The following WDPCP variants were observed in gnomAD, a reference collection of about 807,000 sequenced individuals.
The protein encoded by WDPCP is WD repeat containing planar cell polarity effector.
A neutral mutation model predicts 93.1 loss-of-function variants in WDPCP; 71 were observed. The observed-to-expected ratio is 0.76, with a 90% CI of 0.63 to 0.93. The LOEUF is 0.93. Ranked by LOEUF, WDPCP falls within the 40% of genes least tolerant of loss-of-function variation. The pLI, the probability that WDPCP is intolerant of heterozygous loss-of-function variation, is 0.00. For missense variants in WDPCP, 844 were observed against 887.4 expected, an observed-to-expected ratio of 0.95 and a Z score of 0.62; for synonymous variants, 315 against 315.0, an observed-to-expected ratio of 1.00 and a Z score of 0.00.
chr2:63,394,735 C>T (rs1364631770), intron 10 of WDPCP, among the ~76,000 whole-genome samples: 2 of 152,116 alleles, frequency 1.3e-5, no homozygotes, highest in African/African-American at 2.4e-5. Context: ...ATATGCTCTG[C>T]AGCAAGATGG....
At chr2:63,185,400 C>G (rs1456521910) in intron 14 of WDPCP, among the ~76,000 whole-genome samples, 1 of 150,112 alleles carries the variant, frequency 6.7e-6, no homozygotes, top group Non-Finnish European at 1.5e-5. Flanking sequence ...TTCCCCCCCT[C>G]TCCCCCACCC....
intron 6 of WDPCP, among the ~76,000 whole-genome samples, chr2:63,479,147 G>C (rs1190078919): frequency 6.6e-6 from 1 of 151,836 alleles, no homozygotes; most frequent in Admixed American, 6.6e-5. Context: ...GGAAGAAATA[G>C]AAACTCTGAA....
chr2:63,732,078 G>A (rs1669568562), intron 2 of WDPCP, among the ~76,000 whole-genome samples: 1 of 152,030 alleles, frequency 6.6e-6, no homozygotes, highest in East Asian at 1.9e-4. Context: ...TGTGACTATT[G>A]GTCTTTATGG....
intron 14 of WDPCP, among the ~76,000 whole-genome samples, chr2:63,183,995 C>T (rs556544202): frequency 6.6e-6 from 1 of 152,128 alleles, no homozygotes; most frequent in East Asian, 1.9e-4. Context: ...TAGTCCTTTA[C>T]CTTCAGGCTA....
At chr2:63,471,373 C>A (rs115865066) in intron 6 of WDPCP, among the ~76,000 whole-genome samples, 1,747 of 152,328 alleles carry the variant, frequency 0.011, 39 homozygotes, top group African/African-American at 0.04. Context: ...TCTTGGAAGT[C>A]CCACCAGTAA....
chr2:63,701,036 G>A (rs933193229), intron 2 of WDPCP, among the ~76,000 whole-genome samples: 5 of 152,162 alleles, frequency 3.3e-5, no homozygotes, highest in African/African-American at 1.2e-4. Flanking sequence ...TCAACCTTCT[G>A]CACAGCAAAG....
intron 1 of WDPCP, among the ~76,000 whole-genome samples, chr2:63,825,947 CT>C (rs1227958725): frequency 6.6e-6 from 1 of 152,094 alleles, no homozygotes; most frequent in African/African-American, 2.4e-5. Flanking sequence ...ACTTAAACTT[CT>C]TGTAAATGTG....
At position 63,153,512 on chromosome 2, in the gene WDPCP, TTA is replaced by T; in HGVS notation, c.2139_2140del (p.Asn714TyrfsTer3). On this transcript the variant is annotated frameshift_variant, in exon 16 of 18. Transcript: ENST00000272321. LOFTEE classifies it high-confidence loss of function. ...ACCATTACCTTCTGCATTACAGGTA[TTA>T]GTCATCAAAAATCCAGAACAGATGT... The T allele has an allele frequency of 1.2e-6, 2 of 1,612,304 alleles. No homozygotes were observed. Among genetic ancestry groups the T allele is most frequent in the Non-Finnish European group, 1.7e-6 (2 of 1,178,792 alleles).
chr2:63,263,283 CA>C (rs1233346920), intron 13 of WDPCP, among the ~76,000 whole-genome samples: 8 of 152,198 alleles, frequency 5.3e-5, no homozygotes, highest in African/African-American at 1.4e-4. Flanking sequence ...AATGTCCCAC[CA>C]AAACACATGT....
intron 6 of WDPCP, among the ~76,000 whole-genome samples, chr2:63,462,832 C>G (rs917512494): frequency 2.0e-5 from 3 of 152,082 alleles, no homozygotes; most frequent in Non-Finnish European, 2.9e-5. Context: ...AAGTCAGGGC[C>G]ATTCCTTGAG....
chr2:63,658,497 C>A (rs1710192210), intron 2 of WDPCP, among the ~76,000 whole-genome samples: 1 of 152,138 alleles, frequency 6.6e-6, no homozygotes, highest in African/African-American at 2.4e-5. Flanking sequence ...GGACAAACAG[C>A]AGAGAATACC....
chr2:63,606,939 A>T (rs1363690771), intron 3 of WDPCP: 1 of 1,613,004 alleles, frequency 6.2e-7, no homozygotes, highest in Non-Finnish European at 8.5e-7. Flanking sequence ...CTGCAAAGGA[A>T]CTGACAGAAG....
At chr2:63,238,412 TAAA>T (rs1246153792) in intron 14 of WDPCP, among the ~76,000 whole-genome samples, 1 of 152,162 alleles carries the variant, frequency 6.6e-6, no homozygotes, top group African/African-American at 2.4e-5. Flanking sequence ...TCAATTAAAT[TAAA>T]AAATTGATAT....
chr2:63,651,950 C>A (rs1433636533), intron 2 of WDPCP, among the ~76,000 whole-genome samples: 1 of 152,156 alleles, frequency 6.6e-6, no homozygotes, highest in Admixed American at 6.5e-5. Flanking sequence ...GTTCCTGGAG[C>A]TATAATAACT....
intron 3 of WDPCP, among the ~76,000 whole-genome samples, chr2:63,648,860 A>G (rs1180785822): frequency 6.6e-6 from 1 of 152,198 alleles, no homozygotes; most frequent in Non-Finnish European, 1.5e-5. Flanking sequence ...AGATCAACTT[A>G]GTGTTCTCAG....
At chr2:63,778,360 A>G (rs1670336199) in intron 2 of WDPCP, among the ~76,000 whole-genome samples, 1 of 152,048 alleles carries the variant, frequency 6.6e-6, no homozygotes, top group African/African-American at 2.4e-5. Context: ...GGCGCCTGCC[A>G]CTGCACCTGG....
chr2:63,445,893 T>C (rs1422105868), intron 6 of WDPCP, among the ~76,000 whole-genome samples: 1 of 152,148 alleles, frequency 6.6e-6, no homozygotes, highest in Non-Finnish European at 1.5e-5. Flanking sequence ...TGATACAAAA[T>C]AAGTATGCAA....
chr2:63,622,067 TTTTTTTTTTTTTTTTTTGGAAGTTG>T (rs1709745942), intron 3 of WDPCP: 1 of 14,606 alleles, frequency 6.8e-5, no homozygotes, highest in African/African-American at 1.5e-3. Context: ...TTCTTTTTTC[TTTTTTTTTTTTTTTTTTGGAAGTTG>T]ATTTTTAATG....
intron 6 of WDPCP, among the ~76,000 whole-genome samples, chr2:63,459,409 A>T (rs182062595): frequency 1.3e-5 from 2 of 152,316 alleles, no homozygotes; most frequent in Admixed American, 6.5e-5. Flanking sequence ...TGAGCAAAGT[A>T]CATGAATAGA....
Sources: gnomAD v4.1 joint callset for allele counts (sites outside exome capture counted in the v4.1 genomes callset) on GRCh38, gnomAD v4.1.1 for gene constraint, MANE v1.5 for transcripts, NCBI Gene and HGNC (gene_info 2026-07-23, HGNC 2026-07-21) for gene names.